The following NARS2 variants were observed in gnomAD, a reference collection of about 807,000 sequenced individuals.
The protein encoded by NARS2 is asparaginyl-tRNA synthetase.
A neutral mutation model predicts 62.9 loss-of-function variants in NARS2; 60 were observed. The ratio of observed to expected loss-of-function variants is 0.95; its 90% confidence interval spans 0.77 to 1.18. NARS2 has a LOEUF of 1.18. Among genes scored for constraint, NARS2 ranks in the 50% most tolerant of loss-of-function variants. The pLI, the probability that NARS2 is intolerant of heterozygous loss-of-function variation, is 0.00. For synonymous variants in NARS2, 196 were observed against 200.0 expected, an observed-to-expected ratio of 0.98 and a Z score of 0.17; for missense variants, 619 against 576.4, an observed-to-expected ratio of 1.07 and a Z score of -0.76.
rs1858786149 is a variant in NARS2 at position 78,469,753 on chromosome 11, CAT to C, written c.960-442_960-441del. On this transcript the variant is annotated intron_variant, in intron 9 of 13. Coordinates refer to ENST00000281038, the MANE Select transcript of NARS2 (RefSeq NM_024678.6). ...TTCATGGAGACAATGTGCGTGCGCG[CAT>C]GTGTGTGTCAGAGAGAGAGAGAGCG... Among the ~76,000 whole-genome samples the C allele has an allele frequency of 2.0e-5, 3 of 147,298 alleles. No individual in the cohort carries two copies. In the Admixed American group the frequency reaches 2.1e-4, roughly 10 times the overall value.
chr11:78,574,623 G>A lies in NARS2; in HGVS notation c.-135C>T, dbSNP rs2135555606. On this transcript the variant is annotated 5_prime_UTR_variant, in exon 1 of 14. Coordinates refer to ENST00000281038, the MANE Select transcript of NARS2 (RefSeq NM_024678.6). ...CTCTAAGGCACTCCAGAGCCCCTCG[G>A]CTGCGCGCTTTCTCCTTCAGGACTC... 1 of 979,318 alleles carries A rather than the reference G, an allele frequency of 1.0e-6. No individual in the cohort carries two copies. The highest frequency in any genetic ancestry group is 1.5e-6 in the Non-Finnish European group (1 of 684,412). 60.7% of individuals were successfully genotyped at this position (979,318 alleles called of 1,614,324 possible). A position where few individuals can be genotyped will look rare whatever the true frequency, so the allele number is the denominator to read the frequency against.
chr11:78,565,321 A>G (rs961833534), intron 4 of NARS2, among the ~76,000 whole-genome samples: 6 of 152,238 alleles, frequency 3.9e-5, no homozygotes, highest in African/African-American at 1.4e-4. Context: ...ACAGGAAACC[A>G]AAAACACTGT....
At position 78,478,456 on chromosome 11, in the gene NARS2, A is replaced by G; in HGVS notation, c.941T>C (p.Leu314Pro). 3 of 1,111,532 alleles carry G rather than the reference A, an allele frequency of 2.7e-6. No individual in the cohort carries two copies. Among genetic ancestry groups the G allele is most frequent in the Non-Finnish European group, 3.8e-6 (3 of 794,514 alleles). The allele number at this position is 1,111,532 out of a possible 1,614,324, so 68.9% of individuals were successfully genotyped here. The change falls in exon 9 of 14, where the codon CTA becomes CCA. Residue 314 changes from leucine to proline, a missense_variant. Transcript: ENST00000281038. ...TACTTACATTAAAAAGTTGTTTTTTAGCATATGTTCTAATCTGTCCTTAAT... is the reference window on the plus strand; with the variant it reads ...TACTTACATTAAAAAGTTGTTTTTTGGCATATGTTCTAATCTGTCCTTAAT... ...PGQKDRLEHM[L>P]KNNFLIISYT...
chr11:78,473,916 T>A (rs867182875), intron 9 of NARS2, among the ~76,000 whole-genome samples: 1 of 152,192 alleles, frequency 6.6e-6, no homozygotes, highest in African/African-American at 2.4e-5. Flanking sequence ...TCTCATGTCA[T>A]CTCATTGCTG....
chr11:78,503,626 A>G (rs372979662), intron 6 of NARS2, among the ~76,000 whole-genome samples: 61 of 152,344 alleles, frequency 4.0e-4, no homozygotes, highest in African/African-American at 1.4e-3. Flanking sequence ...AAAAGGGTAC[A>G]CTTGCAGAGG....
At chr11:78,561,196 T>A (rs1263718853) in intron 4 of NARS2, among the ~76,000 whole-genome samples, 1 of 152,174 alleles carries the variant, frequency 6.6e-6, no homozygotes, top group Non-Finnish European at 1.5e-5. Flanking sequence ...TTAAAACTGC[T>A]AGCAAGGCTT....
At chr11:78,562,922 C>T (rs1346498016) in intron 4 of NARS2, among the ~76,000 whole-genome samples, 1 of 152,104 alleles carries the variant, frequency 6.6e-6, no homozygotes, top group African/African-American at 2.4e-5. Context: ...GGAGGCTTAA[C>T]ATCTTTTAGC....
chr11:78,509,980 G>A (rs1860658326), intron 6 of NARS2, among the ~76,000 whole-genome samples: 1 of 151,976 alleles, frequency 6.6e-6, no homozygotes, highest in African/African-American at 2.4e-5. Context: ...AATAGCTATA[G>A]AATATATGCA....
chr11:78,468,427 G>A (rs990701956), intron 10 of NARS2, among the ~76,000 whole-genome samples: 4 of 80,744 alleles, frequency 5.0e-5, no homozygotes, highest in Non-Finnish European at 7.2e-5. Context: ...TTTTTTTTTT[G>A]AGATGGAGTC....
At position 78,498,354 on chromosome 11, in the gene NARS2, T is replaced by A. The variant is rs541029506; in HGVS notation, c.690-5159A>T. On this transcript the variant is annotated intron_variant, in intron 6 of 13. Transcript: ENST00000281038. ...TCTAAATACTGCTCTGACCTCTATT[T>A]CTGCCTCCTTTTACATGCCGCTTTA... 1.5e-4 allele frequency among the ~76,000 whole-genome samples: 23 copies of A among 152,354 alleles called. No homozygotes were observed. The South Asian group carries it at 4.8e-3, about 32-fold the overall frequency.
intron 5 of NARS2, among the ~76,000 whole-genome samples, chr11:78,557,904 C>T (rs1372643233): frequency 6.6e-6 from 1 of 150,716 alleles, no homozygotes; most frequent in Non-Finnish European, 1.5e-5. Flanking sequence ...ATGCAGTTAT[C>T]TCCAAATGTA....
At chr11:78,537,491 G>GA (rs1855402147) in intron 5 of NARS2, among the ~76,000 whole-genome samples, 1 of 152,170 alleles carries the variant, frequency 6.6e-6, no homozygotes, top group Non-Finnish European at 1.5e-5. Context: ...TTCAGAATTA[G>GA]ATGATAAAAC....
intron 5 of NARS2, among the ~76,000 whole-genome samples, chr11:78,551,169 GA>G (rs1229302498): frequency 3.9e-5 from 6 of 152,266 alleles, no homozygotes; most frequent in Admixed American, 3.3e-4. Flanking sequence ...AGAACATACT[GA>G]AAACCATGCA....
In NARS2 at chr11:78,514,443, C is replaced by A. The variant is rs146107546; in HGVS notation, c.689+14399G>T. ...GGTCAGGTATTTCTTTATAGCAGTG[C>A]AAAAATTGCCTAACACATCTCACTA... On this transcript the variant is annotated intron_variant, in intron 6 of 13. Transcript: ENST00000281038. Among the ~76,000 whole-genome samples the A allele has an allele frequency of 4.3e-3, 658 of 152,192 alleles. 4 individuals are homozygous for A. The highest frequency in any genetic ancestry group is 0.015 in the African/African-American group (610 of 41,532).
chr11:78,574,616 C>A lies in NARS2; in HGVS notation c.-128G>T. 1.9e-6 allele frequency: 2 copies of A among 1,054,756 alleles called. No individual in the cohort carries two copies. Among genetic ancestry groups the A allele is most frequent in the Non-Finnish European group, 2.7e-6 (2 of 752,974 alleles). The allele number at this position is 1,054,756 out of a possible 1,614,324, so 65.3% of individuals were successfully genotyped here. On this transcript the variant is annotated 5_prime_UTR_variant, in exon 1 of 14. Coordinates refer to ENST00000281038, the MANE Select transcript of NARS2 (RefSeq NM_024678.6). Reference sequence around the variant, plus strand: ...AGCTCTGCTCTAAGGCACTCCAGAGCCCCTCGGCTGCGCGCTTTCTCCTTC... The same window carrying A: ...AGCTCTGCTCTAAGGCACTCCAGAGACCCTCGGCTGCGCGCTTTCTCCTTC...
intron 11 of NARS2, among the ~76,000 whole-genome samples, chr11:78,448,341 G>T (rs1396536478): frequency 1.4e-5 from 2 of 147,874 alleles, no homozygotes; most frequent in African/African-American, 5.0e-5. Flanking sequence ...TTTTGAGACG[G>T]ACTCTCGCTC....
At chr11:78,505,466 T>TA (rs1860458230) in intron 6 of NARS2, among the ~76,000 whole-genome samples, 1 of 151,960 alleles carries the variant, frequency 6.6e-6, no homozygotes. Context: ...TTTTTTTTTT[T>TA]AACTGATTTT....
intron 6 of NARS2, among the ~76,000 whole-genome samples, chr11:78,524,777 A>G (rs1419953693): frequency 6.6e-6 from 1 of 152,122 alleles, no homozygotes; most frequent in Non-Finnish European, 1.5e-5. Flanking sequence ...TGGCTTCTAA[A>G]TACCATCTTC....
At chr11:78,517,421 T>C (rs1860954275) in intron 6 of NARS2, among the ~76,000 whole-genome samples, 1 of 152,230 alleles carries the variant, frequency 6.6e-6, no homozygotes. Flanking sequence ...AAAGAATCCA[T>C]GTTAGAAATA....
Sources: allele counts gnomAD v4.1 joint callset (sites outside exome capture counted in the v4.1 genomes callset), GRCh38; gene constraint gnomAD v4.1.1; transcripts MANE v1.5; gene names NCBI Gene and HGNC (gene_info 2026-07-23, HGNC 2026-07-21).